Variants in SLC47A2 observed in about 807,000 individuals in gnomAD.
SLC47A2 encodes multidrug and toxin extrusion protein 2.
SLC47A2 carries 52 observed loss-of-function variants against 67.7 expected under a neutral mutation model. That is an observed-to-expected ratio of 0.77 (90% CI 0.61 to 0.97). The LOEUF (loss-of-function observed/expected upper bound fraction) is 0.97, where lower values mean the gene tolerates loss of function less well. SLC47A2 is among the 50% of genes least tolerant of loss of function. SLC47A2 has a pLI of 0.00. For missense variants in SLC47A2, 676 were observed against 712.3 expected, an observed-to-expected ratio of 0.95 and a Z score of 0.58; for synonymous variants, 278 against 292.9, an observed-to-expected ratio of 0.95 and a Z score of 0.52.
chr17:19,680,006 T>G lies in SLC47A2; in HGVS notation c.1426A>C (p.Arg476=). 1 of 1,614,030 alleles carries G rather than the reference T, an allele frequency of 6.2e-7. No individual in the cohort carries two copies. The highest frequency in any genetic ancestry group is 8.5e-7 in the Non-Finnish European group (1 of 1,179,954). ...GGTCTGGTTGCAGTGCTCTCTGCTC[T>G]CTGCTGCTGCTGCCGGCCTGAATGT... is the stretch of plus-strand genomic sequence containing the variant. The part of the protein sequence containing the change: ...KKHSGRQQQQ[R]AESTATRPGP... The change falls in exon 16 of 17, where the codon AGA becomes CGA. Residue 476 remains arginine, a synonymous_variant. Transcript: ENST00000433844.
chr17:19,711,193 A>G (rs189170370), intron 5 of SLC47A2, among the ~76,000 whole-genome samples: 2 of 152,378 alleles, frequency 1.3e-5, no homozygotes, highest in East Asian at 3.8e-4. Flanking sequence ...TTAAGATATT[A>G]TTTAATAAGA....
At chr17:19,679,879 G>C in intron 16 of SLC47A2, 73 bp downstream of exon 16, 1 of 1,438,602 alleles carries the variant, frequency 7.0e-7, no homozygotes, top group East Asian at 2.4e-5. Flanking sequence ...ATGAGGCACA[G>C]AGGGCAGACA....
chr17:19,701,147 G>A (rs1438393014), intron 13 of SLC47A2, among the ~76,000 whole-genome samples: 1 of 136,544 alleles, frequency 7.3e-6, no homozygotes, highest in Admixed American at 8.0e-5. Flanking sequence ...CAGCCTGGGC[G>A]ACAGAATGAG....
intron 16 of SLC47A2, among the ~76,000 whole-genome samples, chr17:19,679,707 T>C (rs1220235514): frequency 6.6e-6 from 1 of 151,914 alleles, no homozygotes; most frequent in East Asian, 1.9e-4. Flanking sequence ...CATCTGAAAA[T>C]GGGCATACAT....
rs776268808 is a variant in SLC47A2 at position 19,713,921 on chromosome 17, G to T, written c.347C>A (p.Ala116Glu). The T allele has an allele frequency of 2.5e-5, 41 of 1,613,724 alleles. No individual in the cohort carries two copies. The Middle Eastern group carries it at 5.0e-4, about 20-fold the overall frequency. Reference sequence around the variant, plus strand: ...GAGGCAGCAGAGGAGCAGGACCAGCGCGCCCCGCTGCAGGATCACGCCCAC... The same window carrying T: ...GAGGCAGCAGAGGAGCAGGACCAGCTCGCCCCGCTGCAGGATCACGCCCAC... ...KHVGVILQRG[A>E]LVLLLCCLPC... is the part of the protein sequence containing the mutation. Residue 116 changes from alanine to glutamate, a missense_variant, in exon 4 of 17, where the codon GCG becomes GAG. By Grantham distance (107) the Ala-to-Glu change is moderately radical. Coordinates refer to ENST00000433844, the MANE Select transcript of SLC47A2 (RefSeq NM_001099646.3).
At chr17:19,713,413 A>AATC (rs549694670) in intron 4 of SLC47A2, among the ~76,000 whole-genome samples, 4,297 of 147,738 alleles carry the variant, frequency 0.029, 96 homozygotes, top group South Asian at 0.041. Context: ...TAATAATAAT[A>AATC]ATCATCATCA....
At chr17:19,699,360 C>A (rs914237935) in intron 13 of SLC47A2, among the ~76,000 whole-genome samples, 1 of 152,020 alleles carries the variant, frequency 6.6e-6, no homozygotes, top group Non-Finnish European at 1.5e-5. Context: ...TGGGTTACAC[C>A]GTGACTTTTT....
chr17:19,704,635 T>A, intron 10 of SLC47A2: 1 of 1,537,430 alleles, frequency 6.5e-7, no homozygotes, highest in Non-Finnish European at 8.8e-7. Context: ...GGGTCAGGGA[T>A]AACATGCAGA....
chr17:19,701,461 G>C (rs1173128709), intron 13 of SLC47A2, among the ~76,000 whole-genome samples: 1 of 152,114 alleles, frequency 6.6e-6, no homozygotes, highest in Non-Finnish European at 1.5e-5. Context: ...GTAATGAGTT[G>C]GTAATTATTA....
chr17:19,702,380 T>C, intron 13 of SLC47A2: 1 of 985,448 alleles, frequency 1.0e-6, no homozygotes, highest in Non-Finnish European at 1.2e-6. Context: ...TCTTTGCTAA[T>C]CTGCATTCAC....
chr17:19,710,403 T>C (rs1462346893), intron 5 of SLC47A2, among the ~76,000 whole-genome samples: 1 of 152,064 alleles, frequency 6.6e-6, no homozygotes, highest in Non-Finnish European at 1.5e-5. Context: ...ATAGAAACCC[T>C]GGAAGGGTCC....
Position 19,678,913 on chromosome 17 carries a change from AAGCAAACAGG to A in SLC47A2, c.1481-17_1481-8del. 6.4e-7 allele frequency: 1 copy of A among 1,560,810 alleles called. No homozygotes were observed. The highest frequency in any genetic ancestry group is 8.7e-7 in the Non-Finnish European group (1 of 1,151,098). Reference sequence around the variant, plus strand: ...GGGGAACTGCCTGTAGCCACTGCGGAAGCAAACAGGAGCAAACTCAGCAGGTCAGGGGTCA... The same window carrying A: ...GGGGAACTGCCTGTAGCCACTGCGGAAGCAAACTCAGCAGGTCAGGGGTCA... On this transcript the variant is annotated splice_region_variant and splice_polypyrimidine_tract_variant and intron_variant, in intron 16 of 16. Coordinates refer to ENST00000433844, the MANE Select transcript of SLC47A2 (RefSeq NM_001099646.3).
chr17:19,679,897 C>A, intron 16 of SLC47A2, 55 bp downstream of exon 16: 1 of 1,548,800 alleles, frequency 6.5e-7, no homozygotes, highest in Admixed American at 1.8e-5. Flanking sequence ...ACAAGAGCAA[C>A]ATGCCACTGA....
At chr17:19,679,045 A>G in intron 16 of SLC47A2, 139 bp from the exon 17 acceptor site, 1 of 665,318 alleles carries the variant, frequency 1.5e-6, no homozygotes, top group Non-Finnish European at 2.7e-6. Context: ...CAGTAGAAAA[A>G]TAACTGCTTT....
rs1269634678 is a variant in SLC47A2, at chr17:19,704,096, G to A, written c.992C>T (p.Ser331Leu). Residue 331 changes from serine to leucine, a missense_variant, in exon 11 of 17, where the codon TCG becomes TTG. Transcript: ENST00000433844. ...TATGCTGAGCACGCCCGAGACGGCCGAGCGCTTGGCCTGCACAGTATCCGC... is the reference window on the plus strand; with the variant it reads ...TATGCTGAGCACGCCCGAGACGGCCAAGCGCTTGGCCTGCACAGTATCCGC... ...GAADTVQAKR[S>L]AVSGVLSIVG... is the part of the protein sequence containing the mutation. 5 of 1,610,522 alleles carry A rather than the reference G, an allele frequency of 3.1e-6. No homozygotes were observed. The highest frequency in any genetic ancestry group is 2.2e-5 in the East Asian group (1 of 44,738).
chr17:19,683,986 A>T (rs1410459608), intron 13 of SLC47A2, among the ~76,000 whole-genome samples: 1 of 152,246 alleles, frequency 6.6e-6, no homozygotes, highest in Non-Finnish European at 1.5e-5. Context: ...CAAGTTACTT[A>T]ACCAACACAA....
chr17:19,717,712 C>CA (rs80151385), upstream of SLC47A2: 466 of 129,304 alleles, frequency 3.6e-3, no homozygotes, highest in African/African-American at 9.8e-3. Context: ...AGGACAAATA[C>CA]AAAAAAAAAA....
At chr17:19,687,583 TAAAC>T (rs1257856557) in intron 13 of SLC47A2, among the ~76,000 whole-genome samples, 1 of 146,150 alleles carries the variant, frequency 6.8e-6, no homozygotes, top group East Asian at 2.0e-4. Context: ...TTTGAAAAAA[TAAAC>T]AAAATAGACA....
At chr17:19,681,517 C>T (rs368029589) in intron 14 of SLC47A2, 21 bp downstream of exon 14, 27 of 1,614,066 alleles carry the variant, frequency 1.7e-5, no homozygotes, top group South Asian at 5.5e-5. Flanking sequence ...AGGCCTCTCC[C>T]GACTTCCTCA....
Sources: gnomAD v4.1 joint callset for allele counts (sites outside exome capture counted in the v4.1 genomes callset) on GRCh38, gnomAD v4.1.1 for gene constraint, MANE v1.5 for transcripts, NCBI Gene and HGNC (gene_info 2026-07-23, HGNC 2026-07-21) for gene names.